Variants in GAK observed in about 807,000 individuals in gnomAD.
GAK encodes the protein cyclin G associated kinase.
A neutral mutation model predicts 143.9 loss-of-function variants in GAK; 79 were observed. The observed-to-expected ratio is 0.55, with a 90% CI of 0.46 to 0.66. The LOEUF is 0.66. Among genes scored for constraint, GAK ranks in the 30% least tolerant of loss-of-function variants. The pLI is 0.00. For missense variants in GAK, 1,693 were observed against 1,779.7 expected, an observed-to-expected ratio of 0.95 and a Z score of 0.88; for synonymous variants, 881 against 765.5, an observed-to-expected ratio of 1.15 and a Z score of -2.49.
At chr4:911,224 G>A (rs529064653) in intron 4 of GAK, among the ~76,000 whole-genome samples, 1 of 152,206 alleles carries the variant, frequency 6.6e-6, no homozygotes, top group East Asian at 1.9e-4. Flanking sequence ...GGACCCCAGA[G>A]CCCCTGACAA....
rs765314673 is a variant in GAK at position 867,235 on chromosome 4, C to A, written c.2593G>T (p.Val865Leu). The change falls in exon 21 of 28, where the codon GTG becomes TTG. Residue 865 changes from valine (V) to leucine (L), a missense_variant. Physicochemically the swap from Val to Leu is conservative, Grantham distance 32 (BLOSUM62 1). Transcript: ENST00000314167. Reference sequence around the variant, plus strand: ...TCTGGCAGCACAGCCGGTGTCTCCACCTCAAAAACCAAGTCCTGCTGCACC... The same window carrying A: ...TCTGGCAGCACAGCCGGTGTCTCCAACTCAAAAACCAAGTCCTGCTGCACC... The part of the protein sequence containing the change: ...GLVQQDLVFE[V>L]ETPAVLPEPV... 1 of 1,613,008 alleles carries A rather than the reference C, an allele frequency of 6.2e-7. No homozygotes were observed. Among genetic ancestry groups the A allele is most frequent in the South Asian group, 1.1e-5 (1 of 90,898 alleles).
At chr4:893,094 C>G (rs372796586) in intron 9 of GAK, among the ~76,000 whole-genome samples, 2 of 152,122 alleles carry the variant, frequency 1.3e-5, no homozygotes, top group African/African-American at 4.8e-5. Context: ...GCCTCCCTCC[C>G]CTCTGTGATA....
intron 1 of GAK, among the ~76,000 whole-genome samples, chr4:925,206 T>C (rs1724520892): frequency 6.6e-6 from 1 of 152,138 alleles, no homozygotes; most frequent in Admixed American, 6.5e-5. Flanking sequence ...CCCATCAAAA[T>C]GTCCAAATAA....
chr4:870,713 A>T lies in GAK; in HGVS notation c.2246T>A (p.Phe749Tyr). The change falls in exon 19 of 28, where the codon TTT (phenylalanine) becomes TAT (tyrosine). Residue 749 changes from phenylalanine (F) to tyrosine (Y), a missense_variant and splice_region_variant. Physicochemically the swap from Phe to Tyr is conservative, Grantham distance 22. This residue lies in a region of GAK where 822 missense variants were observed against 788.7 expected (regional missense o/e 1.04). Transcript: ENST00000314167. ...CTAATTCACCTGCGGGATCTTACCA[A>T]ACTTAGACAGAATGTCTTGCTGCTC... ...REEQQDILSKFGKPELPRQPG... is the reference protein window; with the variant it reads ...REEQQDILSKYGKPELPRQPG... The T allele has an allele frequency of 6.2e-7, 1 of 1,613,694 alleles. No homozygotes were observed. The highest frequency in any genetic ancestry group is 1.1e-5 in the South Asian group (1 of 91,018).
intron 17 of GAK, 78 bp downstream of exon 17, chr4:877,012 T>G: frequency 1.0e-6 from 1 of 983,122 alleles, no homozygotes; most frequent in Non-Finnish European, 1.6e-6. Context: ...CGGTGAGAAG[T>G]GAGCGCACTG....
Position 865,180 on chromosome 4 carries a change from T to A in GAK, c.3108A>T (p.Gly1036=), listed in dbSNP as rs1484439105. ...ASSSNPDLLG[G]WAAWTETAAS... ...CTGCAGTCTCGGTCCAGGCAGCCCA[T>A]CCTCCCAGCAGGTCTGGGTTGCTGG... is the stretch of plus-strand genomic sequence containing the variant. Residue 1036 remains glycine, a synonymous_variant, in exon 23 of 28, where the codon GGA becomes GGT. Coordinates refer to ENST00000314167, the MANE Select transcript of GAK (RefSeq NM_005255.4). 1.2e-6 allele frequency: 2 copies of A among 1,612,964 alleles called. No homozygotes were observed. Among genetic ancestry groups the A allele is most frequent in the Non-Finnish European group, 1.7e-6 (2 of 1,179,834 alleles).
intron 1 of GAK, 52 bp from the exon 2 acceptor site, chr4:913,720 T>G (rs764815788): frequency 6.9e-7 from 1 of 1,450,974 alleles, no homozygotes; most frequent in Non-Finnish European, 9.7e-7. Flanking sequence ...ATTTAACATA[T>G]CAGGCTTTAA....
chr4:927,922 GCA>G (rs778006507), intron 1 of GAK, among the ~76,000 whole-genome samples: 4 of 152,220 alleles, frequency 2.6e-5, no homozygotes, highest in Non-Finnish European at 2.9e-5. Flanking sequence ...TAAGAGAACA[GCA>G]CAGAGCTGCA....
Position 893,406 on chromosome 4 carries a change from T to C in GAK, c.961A>G (p.Asn321Asp), listed in dbSNP as rs758515284. 4 of 1,588,650 alleles carry C rather than the reference T, an allele frequency of 2.5e-6. No individual in the cohort carries two copies. The highest frequency in any genetic ancestry group is 2.3e-5 in the East Asian group (1 of 43,182). The change falls in exon 9 of 28, where the codon AAC (asparagine) becomes GAC (aspartate). Residue 321 changes from asparagine to aspartate, a missense_variant. By Grantham distance (23) the Asn-to-Asp change is conservative. This residue lies in a region of GAK where 871 missense variants were observed against 991.0 expected (regional missense o/e 0.88). Coordinates refer to ENST00000314167, the MANE Select transcript of GAK (RefSeq NM_005255.4). ...HQLQEIAAAR[N>D]VNPKSPITEL... The stretch of plus-strand genomic sequence containing the variant: ...GTGATGGGAGACTTGGGGTTCACGT[T>C]GCGGGCGGCCGCGATCTCCTGCAGC...
intron 6 of GAK, 136 bp downstream of exon 6, chr4:897,897 C>T (rs1260964399): frequency 3.0e-5 from 30 of 991,554 alleles, no homozygotes; most frequent in South Asian, 8.0e-5. Flanking sequence ...TGCAGTGAGC[C>T]GGGATTGCAC....
intron 22 of GAK, 49 bp from the exon 23 acceptor site, chr4:865,293 G>A: frequency 6.2e-7 from 1 of 1,610,006 alleles, no homozygotes; most frequent in Non-Finnish European, 8.5e-7. Context: ...CTCAGCAGCA[G>A]GCAAATGTGG....
intron 15 of GAK, among the ~76,000 whole-genome samples, chr4:881,207 G>A (rs1183482188): frequency 6.6e-6 from 1 of 152,188 alleles, no homozygotes; most frequent in Non-Finnish European, 1.5e-5. Context: ...CCGCCACGGT[G>A]GGGCCACGGG....
Position 876,537 on chromosome 4 carries a change from A to T in GAK, c.2047T>A (p.Phe683Ile), listed in dbSNP as rs1219556394. The T allele has an allele frequency of 1.2e-6, 2 of 1,614,122 alleles. No individual in the cohort carries two copies. The highest frequency in any genetic ancestry group is 1.3e-5 in the African/African-American group (1 of 75,060). ...CAAGCGGTACCAACGTACTTGGCAA[A>T]TTTCACAGTGGTGGCGTTCCGAGGC... Reference protein sequence around the residue: ...FVPRNATTVKFAKYDLDACDI... With the variant: ...FVPRNATTVKIAKYDLDACDI... The change falls in exon 18 of 28, where the codon TTT becomes ATT. Residue 683 changes from phenylalanine (F) to isoleucine (I), a missense_variant. Phe to Ile is a conservative substitution (Grantham distance 21). Around this residue, in one of 2 missense-constraint regions of GAK, gnomAD observed 871 missense variants for 991.0 expected, o/e 0.88. Transcript: ENST00000314167.
intron 1 of GAK, among the ~76,000 whole-genome samples, chr4:929,489 A>G (rs1177546787): frequency 5.3e-5 from 8 of 152,196 alleles, no homozygotes; most frequent in Non-Finnish European, 7.3e-5. Context: ...CCCAAAACAA[A>G]GAACACACAG....
chr4:865,243 C>A lies in GAK; in HGVS notation c.3045G>T (p.Gly1015=). ...PSCSADFLHL[G]DLPGEPSKMT... is the part of the protein sequence containing the mutation. ...TCTTGCTGGGCTCTCCTGGCAGATC[C>A]CCTGGGAAGAAGGAACCAGAAGAGA... The change falls in exon 23 of 28, where the codon GGG becomes GGT. Residue 1015 remains glycine (G), a splice_region_variant and synonymous_variant. Coordinates refer to ENST00000314167, the MANE Select transcript of GAK (RefSeq NM_005255.4). 6.2e-7 allele frequency: 1 copy of A among 1,613,274 alleles called. No homozygotes were observed. Among genetic ancestry groups the A allele is most frequent in the Non-Finnish European group, 8.5e-7 (1 of 1,179,848 alleles).
At chr4:860,616 G>A (rs758773027) in intron 23 of GAK, among the ~76,000 whole-genome samples, 3 of 152,188 alleles carry the variant, frequency 2.0e-5, no homozygotes, top group East Asian at 1.9e-4. Context: ...GAGACAAACC[G>A]GAGATGGCAG....
chr4:895,618 C>T (rs143722150), intron 7 of GAK, among the ~76,000 whole-genome samples: 345 of 152,368 alleles, frequency 2.3e-3, no homozygotes, highest in Middle Eastern at 0.014. Context: ...AAATACACTA[C>T]GGAGGGCCAA....
At chr4:868,799 G>T (rs1711635175) in intron 19 of GAK, 114 bp from the exon 20 acceptor site, 3 of 1,087,352 alleles carry the variant, frequency 2.8e-6, no homozygotes, top group South Asian at 3.1e-5. Context: ...GGCAGGCCAG[G>T]CCATCGGTAA....
intron 24 of GAK, among the ~76,000 whole-genome samples, chr4:858,851 C>T (rs1467799530): frequency 2.0e-5 from 3 of 152,150 alleles, no homozygotes; most frequent in Non-Finnish European, 2.9e-5. Context: ...GAAATGCTCC[C>T]GGAGCTGAGC....
Sources: gnomAD v4.1 joint callset for allele counts (sites outside exome capture counted in the v4.1 genomes callset) on GRCh38, gnomAD v4.1.1 for gene constraint, gnomAD v4.1.1 regional missense constraint, MANE v1.5 for transcripts, NCBI Gene and HGNC (gene_info 2026-07-23, HGNC 2026-07-21) for gene names.